GOLPH3L: variants seen among roughly 807,000 people sequenced by gnomAD.
GOLPH3L encodes golgi phosphoprotein 3 like.
In GOLPH3L, 22 loss-of-function variants were observed where a neutral mutation model predicts 30.3. That is an observed-to-expected ratio of 0.73 (90% CI 0.52 to 1.04). The LOEUF is 1.04. Among genes scored for constraint, GOLPH3L ranks in the 50% least tolerant of loss-of-function variants. The probability of loss-of-function intolerance (pLI) is 0.00; values close to 1 mark genes in which losing one functional copy is unlikely to be tolerated. For synonymous variants in GOLPH3L, 120 were observed against 128.2 expected, an observed-to-expected ratio of 0.94 and a Z score of 0.43; for missense variants, 303 against 345.8, an observed-to-expected ratio of 0.88 and a Z score of 0.98.
intron 2 of GOLPH3L, among the ~76,000 whole-genome samples, chr1:150,684,829 A>C (rs766777680): frequency 3.5e-4 from 54 of 152,142 alleles, no homozygotes; most frequent in Non-Finnish European, 6.3e-4. Flanking sequence ...TACCACGCCC[A>C]GCTAATTTTT....
chr1:150,677,394 G>A (rs950501680), intron 2 of GOLPH3L, among the ~76,000 whole-genome samples: 1 of 151,864 alleles, frequency 6.6e-6, no homozygotes, highest in African/African-American at 2.4e-5. Context: ...ATGTCACCGT[G>A]CCTGGCTAAG....
At chr1:150,696,859 C>G (rs587732551) in intron 1 of GOLPH3L, 133 bp downstream of exon 1, 1 of 152,036 alleles carries the variant, frequency 6.6e-6, no homozygotes. Flanking sequence ...AGTTAAAAAT[C>G]CTACTTGAAA....
At chr1:150,693,056 T>A (rs1296553422) in intron 2 of GOLPH3L, among the ~76,000 whole-genome samples, 1 of 152,206 alleles carries the variant, frequency 6.6e-6, no homozygotes, top group African/African-American at 2.4e-5. Flanking sequence ...TTGCCTTTTA[T>A]AAAACTGAAG....
intron 4 of GOLPH3L, among the ~76,000 whole-genome samples, chr1:150,655,295 A>G (rs1366796652): frequency 6.6e-6 from 1 of 152,172 alleles, no homozygotes; most frequent in Non-Finnish European, 1.5e-5. Flanking sequence ...AAGTGTATCA[A>G]AGTAGTTACA....
chr1:150,653,529 T>C (rs1650175199), intron 4 of GOLPH3L, among the ~76,000 whole-genome samples: 1 of 149,282 alleles, frequency 6.7e-6, no homozygotes, highest in South Asian at 2.1e-4. Flanking sequence ...GGTGTGATCT[T>C]GGCTCACTGC....
chr1:150,680,072 T>C (rs908489771), intron 2 of GOLPH3L, among the ~76,000 whole-genome samples: 1 of 152,078 alleles, frequency 6.6e-6, no homozygotes, highest in African/African-American at 2.4e-5. Flanking sequence ...GGGAACAAAA[T>C]CCAGAGAAGT....
At chr1:150,664,706 T>C (rs956897861) in intron 2 of GOLPH3L, among the ~76,000 whole-genome samples, 1 of 151,988 alleles carries the variant, frequency 6.6e-6, no homozygotes, top group Non-Finnish European at 1.5e-5. Flanking sequence ...CCAGCCTCAG[T>C]CTCCCAAAGT....
At chr1:150,688,646 G>A (rs1158532188) in intron 2 of GOLPH3L, among the ~76,000 whole-genome samples, 1 of 152,162 alleles carries the variant, frequency 6.6e-6, no homozygotes, top group Non-Finnish European at 1.5e-5. Context: ...AGCTACTTGG[G>A]AGGCTGAGGA....
chr1:150,660,416 C>T (rs587758256), intron 4 of GOLPH3L, among the ~76,000 whole-genome samples: 272 of 152,156 alleles, frequency 1.8e-3, no homozygotes, highest in Non-Finnish European at 2.2e-3. Flanking sequence ...TATGACCCAG[C>T]AATTCTATTC....
In GOLPH3L at chr1:150,669,714, C is replaced by T. The variant is rs376821663; in HGVS notation, c.184-5951G>A. The stretch of plus-strand genomic sequence containing the variant: ...CGGTGGCTCACACCTGTAATCCCTG[C>T]ACTTTGGGAGGTCAAGGCGGGTGGA... On this transcript the variant is annotated intron_variant, in intron 2 of 4. Coordinates refer to ENST00000271732, the MANE Select transcript of GOLPH3L (RefSeq NM_018178.6). Among the ~76,000 whole-genome samples the T allele has an allele frequency of 1.2e-4, 18 of 152,270 alleles. No individual in the cohort carries two copies. The South Asian group carries it at 3.7e-3, about 32-fold the overall frequency.
chr1:150,668,771 ATTAAAG>A (rs1168863938), intron 2 of GOLPH3L, among the ~76,000 whole-genome samples: 8 of 152,176 alleles, frequency 5.3e-5, no homozygotes, highest in African/African-American at 1.4e-4. Context: ...TAGCTACCTA[ATTAAAG>A]TTAAACTATA....
At chr1:150,691,651 A>G (rs587680339) in intron 2 of GOLPH3L, among the ~76,000 whole-genome samples, 1 of 152,292 alleles carries the variant, frequency 6.6e-6, no homozygotes, top group East Asian at 1.9e-4. Context: ...TATCCCTTAC[A>G]AAAAGATAAT....
intron 4 of GOLPH3L, among the ~76,000 whole-genome samples, chr1:150,656,730 A>T (rs1013711714): frequency 7.9e-5 from 12 of 152,200 alleles, no homozygotes; most frequent in Non-Finnish European, 2.9e-5. Flanking sequence ...TGATCCTGAA[A>T]AAATTATTGT....
chr1:150,684,793 A>G, intron 2 of GOLPH3L, among the ~76,000 whole-genome samples: 1 of 152,040 alleles, frequency 6.6e-6, no homozygotes, highest in East Asian at 1.9e-4. Flanking sequence ...TCAGCCTCCC[A>G]AGTAGCTGGG....
At chr1:150,675,435 C>T (rs1324878623) in intron 2 of GOLPH3L, among the ~76,000 whole-genome samples, 1 of 152,000 alleles carries the variant, frequency 6.6e-6, no homozygotes. Flanking sequence ...ACATAAAATA[C>T]ATGTATCTTC....
rs376518188 is a variant in GOLPH3L at position 150,668,571 on chromosome 1, T to C, written c.184-4808A>G. Among the ~76,000 whole-genome samples, 10 of 152,160 alleles carry C rather than the reference T, an allele frequency of 6.6e-5. No homozygotes were observed. The East Asian group carries it at 9.7e-4, about 15-fold the overall frequency. ...CTAATATTTGTATTTTTAGTAGAGA[T>C]GGGGTTTTGCCATGTTGCCCAGGCT... On this transcript the variant is annotated intron_variant, in intron 2 of 4. Transcript: ENST00000271732.
rs1649979732 is a variant in GOLPH3L, at chr1:150,646,397, A to G, written c.*1924T>C. ...CAAGAAAGAACTCAATTCAACTTCT[A>G]TCTCCCAATCAAGCTATAACTTTCC... On this transcript the variant is annotated 3_prime_UTR_variant, in exon 5 of 5. Coordinates refer to ENST00000271732, the MANE Select transcript of GOLPH3L (RefSeq NM_018178.6). The G allele has an allele frequency of 6.6e-6, 1 of 152,240 alleles. No homozygotes were observed. Among genetic ancestry groups the G allele is most frequent in the South Asian group, 2.1e-4 (1 of 4,836 alleles). 9.4% of individuals were successfully genotyped at this position (152,240 alleles called of 1,614,324 possible). A position where few individuals can be genotyped will look rare whatever the true frequency, so the allele number is the denominator to read the frequency against.
chr1:150,664,030 G>A (rs936978397), intron 2 of GOLPH3L, among the ~76,000 whole-genome samples: 3 of 151,158 alleles, frequency 2.0e-5, no homozygotes, highest in South Asian at 2.1e-4. Flanking sequence ...ACAGGGTCTC[G>A]CTTTTTCCCC....
intron 4 of GOLPH3L, among the ~76,000 whole-genome samples, chr1:150,655,176 T>G (rs1430718099): frequency 6.6e-6 from 1 of 152,148 alleles, no homozygotes; most frequent in Non-Finnish European, 1.5e-5. Context: ...ATTTAAAGGT[T>G]TGGTAGCTAT....
Sources: gnomAD v4.1 joint callset for allele counts (sites outside exome capture counted in the v4.1 genomes callset) on GRCh38, gnomAD v4.1.1 for gene constraint, MANE v1.5 for transcripts, NCBI Gene and HGNC (gene_info 2026-07-23, HGNC 2026-07-21) for gene names.